Variants in CSMD1 observed in about 807,000 individuals in gnomAD.
CSMD1 encodes the protein CUB and Sushi multiple domains 1.
Under a neutral mutation model 417.5 loss-of-function variants are expected in CSMD1, and 213 were observed. The observed-to-expected ratio is 0.51, with a 90% confidence interval of 0.46 to 0.57. The LOEUF (loss-of-function observed/expected upper bound fraction) is 0.57. Ranked by LOEUF, CSMD1 falls within the 20% of genes least tolerant of loss-of-function variation. CSMD1 has a pLI of 0.00. For synonymous variants in CSMD1, 2,862 were observed against 1,736.8 expected (o/e 1.65, Z -16.11); for missense variants, 6,923 against 4,529.7 (o/e 1.53, Z -15.17).
chr8:4,825,457 T>C (rs1421664650), intron 1 of CSMD1, among the ~76,000 whole-genome samples: 1 of 151,972 alleles, frequency 6.6e-6, no homozygotes, highest in East Asian at 1.9e-4. Context: ...ACTTACTCAG[T>C]TTGCATGATT....
chr8:4,468,870 AACACTGCAAGGAATTTTAGAAT>A (rs1341757350), intron 2 of CSMD1, among the ~76,000 whole-genome samples: 1 of 152,182 alleles, frequency 6.6e-6, no homozygotes. Flanking sequence ...TATAAACTTG[AACACTGCAAGGAATTTTAGAAT>A]ATTTTGGCTA....
chr8:4,578,640 C>A (rs935202256), intron 2 of CSMD1, among the ~76,000 whole-genome samples: 1 of 150,660 alleles, frequency 6.6e-6, no homozygotes, highest in Admixed American at 6.6e-5. Flanking sequence ...CATGGTGAAA[C>A]CCCATCTCTA....
At chr8:4,833,933 C>G (rs748035937) in intron 1 of CSMD1, among the ~76,000 whole-genome samples, 1 of 152,122 alleles carries the variant, frequency 6.6e-6, no homozygotes, top group Non-Finnish European at 1.5e-5. Flanking sequence ...TCCTTGATTC[C>G]ACAGCGGCCC....
At chr8:3,928,554 T>A (rs1809913430) in intron 5 of CSMD1, among the ~76,000 whole-genome samples, 1 of 135,908 alleles carries the variant, frequency 7.4e-6, no homozygotes, top group Non-Finnish European at 1.6e-5. Flanking sequence ...GCTTCGGTAC[T>A]GTACTAAGTT....
chr8:3,358,124 G>T (rs1291581592), intron 21 of CSMD1, among the ~76,000 whole-genome samples: 1 of 152,130 alleles, frequency 6.6e-6, no homozygotes, highest in African/African-American at 2.4e-5. Context: ...AAGTGAACAT[G>T]TTTGTGTTTT....
intron 6 of CSMD1, among the ~76,000 whole-genome samples, chr8:3,714,583 T>TAAAAAAAAAAAAAA (rs1585121246): frequency 7.2e-5 from 1 of 13,934 alleles, no homozygotes. Flanking sequence ...AAAAAAAAAT[T>TAAAAAAAAAAAAAA]AGCCCCAGCC....
At chr8:4,823,585 G>T (rs1468600999) in intron 1 of CSMD1, among the ~76,000 whole-genome samples, 1 of 152,072 alleles carries the variant, frequency 6.6e-6, no homozygotes. Flanking sequence ...ACACAGCAAA[G>T]ATGGGCATTT....
At chr8:2,973,666 A>G (rs1398804561) in intron 56 of CSMD1, among the ~76,000 whole-genome samples, 7 of 117,474 alleles carry the variant, frequency 6.0e-5, no homozygotes, top group South Asian at 2.7e-4. Context: ...AATGTGGGGA[A>G]AAAAAAAAAA....
chr8:3,255,540 T>A (rs1800587871), intron 26 of CSMD1, among the ~76,000 whole-genome samples: 1 of 152,178 alleles, frequency 6.6e-6, no homozygotes, highest in African/African-American at 2.4e-5. Flanking sequence ...CCACCTGCTT[T>A]GTTTACCTAC....
chr8:4,163,911 G>A (rs533539462), intron 3 of CSMD1, among the ~76,000 whole-genome samples: 12 of 152,090 alleles, frequency 7.9e-5, no homozygotes, highest in Admixed American at 1.3e-4. Flanking sequence ...TTGGTTACTC[G>A]TTAGGTGACT....
intron 3 of CSMD1, among the ~76,000 whole-genome samples, chr8:4,412,859 A>T (rs188797846): frequency 4.9e-4 from 75 of 152,334 alleles, no homozygotes; most frequent in Admixed American, 4.7e-3. Flanking sequence ...ATGCCTGCTC[A>T]AACAAGGAAT....
intron 3 of CSMD1, among the ~76,000 whole-genome samples, chr8:4,144,757 T>C (rs1195673353): frequency 2.0e-5 from 3 of 151,022 alleles, no homozygotes; most frequent in Admixed American, 1.3e-4. Flanking sequence ...TTCTCAGACA[T>C]AGGAGAACAG....
chr8:4,887,834 G>A (rs1024310081), intron 1 of CSMD1, among the ~76,000 whole-genome samples: 5 of 151,790 alleles, frequency 3.3e-5, no homozygotes, highest in Non-Finnish European at 5.9e-5. Context: ...TTTGAGCAGT[G>A]TTCGTACAGC....
At chr8:4,699,753 TGTTTCATGGTTA>T (rs1362394806) in intron 1 of CSMD1, among the ~76,000 whole-genome samples, 3 of 152,218 alleles carry the variant, frequency 2.0e-5, no homozygotes, top group Non-Finnish European at 4.4e-5. Context: ...TGGAAAGCAG[TGTTTCATGGTTA>T]GTTTGTCAGG....
At chr8:3,947,087 G>A (rs967540855) in intron 5 of CSMD1, among the ~76,000 whole-genome samples, 2 of 152,066 alleles carry the variant, frequency 1.3e-5, no homozygotes, top group South Asian at 2.1e-4. Context: ...TGTAAAAGTG[G>A]ATATTATTTT....
At chr8:4,404,072 T>A (rs1804842985) in intron 3 of CSMD1, among the ~76,000 whole-genome samples, 1 of 152,164 alleles carries the variant, frequency 6.6e-6, no homozygotes, top group Non-Finnish European at 1.5e-5. Flanking sequence ...CGCCAGAGCT[T>A]TTTACGTGCT....
At chr8:2,996,114 A>G (rs999272385) in intron 54 of CSMD1, among the ~76,000 whole-genome samples, 1 of 152,190 alleles carries the variant, frequency 6.6e-6, no homozygotes, top group African/African-American at 2.4e-5. Flanking sequence ...CAGTTATCTC[A>G]AAATGAAACA....
intron 4 of CSMD1, among the ~76,000 whole-genome samples, chr8:4,021,381 C>A (rs552158571): frequency 6.6e-6 from 1 of 152,194 alleles, no homozygotes; most frequent in Non-Finnish European, 1.5e-5. Flanking sequence ...GGATTTTTAA[C>A]TTCATCTGTG....
intron 1 of CSMD1, among the ~76,000 whole-genome samples, chr8:4,766,708 C>G (rs7830263): frequency 0.81 from 123,082 of 152,186 alleles, 50,383 homozygotes; most frequent in East Asian, 0.94. Context: ...ACTCAGGCTT[C>G]CAAGTAAACA....
Sources: gnomAD v4.1 joint callset for allele counts (sites outside exome capture counted in the v4.1 genomes callset) on GRCh38, gnomAD v4.1.1 for gene constraint, MANE v1.5 for transcripts, NCBI Gene and HGNC (gene_info 2026-07-23, HGNC 2026-07-21) for gene names.